EYS: variants seen among roughly 807,000 people sequenced by gnomAD.
EYS encodes the protein EGF-like photoreceptor maintenance factor.
Under a neutral mutation model 282.1 loss-of-function variants are expected in EYS, and 250 were observed. The observed-to-expected ratio is 0.89, with a 90% confidence interval of 0.80 to 0.98. The LOEUF is 0.98. Ranked by LOEUF, EYS falls within the 50% of genes least tolerant of loss-of-function variation. The pLI is 0.00. For missense variants in EYS, 4,016 were observed against 3,709.0 expected (o/e 1.08, Z -2.15); for synonymous variants, 1,355 against 1,282.9 (o/e 1.06, Z -1.20).
chr6:64,653,930 C>A (rs7758836), intron 22 of EYS, among the ~76,000 whole-genome samples: 2,847 of 151,504 alleles, frequency 0.019, 39 homozygotes, highest in Middle Eastern at 0.045. Context: ...TTGATAATCA[C>A]AAAAAGTAGA....
chr6:63,754,073 A>G (rs1268194531), intron 41 of EYS, among the ~76,000 whole-genome samples: 1 of 152,022 alleles, frequency 6.6e-6, no homozygotes, highest in East Asian at 1.9e-4. Context: ...GATATTTCTT[A>G]CTCTTTTTCC....
chr6:64,268,742 T>C (rs965331098), intron 30 of EYS, among the ~76,000 whole-genome samples: 3 of 152,238 alleles, frequency 2.0e-5, no homozygotes, highest in Non-Finnish European at 4.4e-5. Context: ...ATTGAATACA[T>C]AATGGTGCTA....
chr6:65,507,804 C>G (rs536188161), intron 2 of EYS, among the ~76,000 whole-genome samples: 21 of 152,012 alleles, frequency 1.4e-4, no homozygotes, highest in Non-Finnish European at 2.6e-4. Flanking sequence ...CTTAGAGTCT[C>G]CATCTCCCTG....
chr6:64,749,505 T>C (rs1382791430), intron 22 of EYS, among the ~76,000 whole-genome samples: 2 of 152,210 alleles, frequency 1.3e-5, no homozygotes, highest in Non-Finnish European at 2.9e-5. Context: ...ACATGTCAAA[T>C]ACTGCAAAGT....
intron 25 of EYS, 26 bp from the exon 26 acceptor site, chr6:64,592,015 G>T: frequency 1.4e-6 from 2 of 1,434,314 alleles, no homozygotes; most frequent in South Asian, 1.5e-5. Flanking sequence ...AAGCCAAAAA[G>T]GTTAGAAAAA....
intron 29 of EYS, among the ~76,000 whole-genome samples, chr6:64,355,294 C>T (rs1771786715): frequency 6.6e-6 from 1 of 151,478 alleles, no homozygotes; most frequent in South Asian, 2.1e-4. Context: ...ACTTCTTATC[C>T]TGCTGCTTAG....
At chr6:63,970,425 G>C (rs898035426) in intron 35 of EYS, among the ~76,000 whole-genome samples, 3 of 152,152 alleles carry the variant, frequency 2.0e-5, no homozygotes, top group African/African-American at 7.2e-5. Context: ...CACTAGGTCA[G>C]GTGATCGAGA....
intron 22 of EYS, among the ~76,000 whole-genome samples, chr6:64,758,932 A>G (rs1773067938): frequency 6.6e-6 from 1 of 152,214 alleles, no homozygotes; most frequent in African/African-American, 2.4e-5. Context: ...AGGTCAGGAG[A>G]TAGAGACCAT....
intron 18 of EYS, among the ~76,000 whole-genome samples, chr6:64,887,696 CATTA>C (rs986964605): frequency 6.6e-6 from 1 of 152,016 alleles, no homozygotes; most frequent in African/African-American, 2.4e-5. Context: ...CTTCAACCTA[CATTA>C]ATTAATTGAG....
At chr6:63,736,685 C>T (rs919710213) in intron 41 of EYS, among the ~76,000 whole-genome samples, 10 of 152,124 alleles carry the variant, frequency 6.6e-5, no homozygotes, top group African/African-American at 2.4e-4. Flanking sequence ...GGCAGTACGG[C>T]CATTTTCACG....
At chr6:65,329,866 A>C (rs1769732795) in intron 11 of EYS, 1 of 981,690 alleles carries the variant, frequency 1.0e-6, no homozygotes, top group Non-Finnish European at 1.2e-6. Flanking sequence ...AGTTTTTGAA[A>C]CTTCACCTGA....
At chr6:64,542,212 C>T (rs1038686065) in intron 26 of EYS, among the ~76,000 whole-genome samples, 6 of 152,030 alleles carry the variant, frequency 3.9e-5, no homozygotes. Context: ...CATTCAAATA[C>T]ATTTTTTAAT....
At chr6:65,223,738 C>G (rs1766539288) in intron 12 of EYS, among the ~76,000 whole-genome samples, 2 of 152,078 alleles carry the variant, frequency 1.3e-5, no homozygotes, top group Admixed American at 1.3e-4. Context: ...GGATACCATC[C>G]AGGTCAAGTA....
chr6:64,230,683 T>A lies in EYS; in HGVS notation c.6333A>T (p.Gly2111=). Residue 2111 remains glycine, a synonymous_variant, in exon 31 of 43, where the codon GGA becomes GGT. Transcript: ENST00000503581. ...SVCQQDVCHN[G]GTCHAIFLSS... is the part of the protein sequence containing the mutation. The stretch of plus-strand genomic sequence containing the variant: ...AGAGGAAGATGGCATGGCATGTGCC[T>A]CCATTGTGGCATACATCCTGCTGGC... 6.4e-7 allele frequency: 1 copy of A among 1,551,568 alleles called. No individual in the cohort carries two copies. Among genetic ancestry groups the A allele is most frequent in the Non-Finnish European group, 8.7e-7 (1 of 1,146,880 alleles).
intron 19 of EYS, among the ~76,000 whole-genome samples, chr6:64,829,380 G>C (rs1040235977): frequency 6.6e-6 from 1 of 151,934 alleles, no homozygotes; most frequent in Non-Finnish European, 1.5e-5. Flanking sequence ...GTTAGGTACT[G>C]CTTCCCTCAG....
At chr6:65,487,915 G>C (rs1765873185) in intron 5 of EYS, among the ~76,000 whole-genome samples, 1 of 152,114 alleles carries the variant, frequency 6.6e-6, no homozygotes, top group African/African-American at 2.4e-5. Context: ...GGGTGTATGT[G>C]TCCAGGAATT....
intron 22 of EYS, among the ~76,000 whole-genome samples, chr6:64,724,113 T>G (rs1272036226): frequency 6.6e-6 from 1 of 152,152 alleles, no homozygotes; most frequent in Non-Finnish European, 1.5e-5. Context: ...GAAACTGCTA[T>G]AGTGAGAACA....
chr6:65,227,087 G>T (rs1005652072), intron 12 of EYS, among the ~76,000 whole-genome samples: 11 of 151,282 alleles, frequency 7.3e-5, no homozygotes, highest in African/African-American at 2.7e-4. Flanking sequence ...TACAAAATTA[G>T]CTGGGTGTGG....
chr6:65,198,430 A>T (rs526919), intron 12 of EYS, among the ~76,000 whole-genome samples: 231 of 152,278 alleles, frequency 1.5e-3, no homozygotes, highest in Middle Eastern at 6.8e-3. Context: ...GTTTATTATC[A>T]TTGGGAAGTA....
Sources: allele counts gnomAD v4.1 joint callset (sites outside exome capture counted in the v4.1 genomes callset), GRCh38; gene constraint gnomAD v4.1.1; transcripts MANE v1.5; gene names NCBI Gene and HGNC (gene_info 2026-07-23, HGNC 2026-07-21).